The following TMCC1 variants were observed in gnomAD, a reference collection of about 807,000 sequenced individuals.
TMCC1 encodes the protein transmembrane and coiled-coil domain family 1.
TMCC1 carries 15 observed loss-of-function variants against 52.4 expected under a neutral mutation model. That is an observed-to-expected ratio of 0.29 (90% CI 0.19 to 0.44). The LOEUF (loss-of-function observed/expected upper bound fraction) is 0.44. Ranked by LOEUF, TMCC1 falls within the 20% of genes least tolerant of loss-of-function variation. The pLI is 1.00. For synonymous variants in TMCC1, 279 were observed against 301.9 expected, an observed-to-expected ratio of 0.92 and a Z score of 0.79; for missense variants, 503 against 806.0, an observed-to-expected ratio of 0.62 and a Z score of 4.55.
At chr3:129,892,793 A>C (rs555227804) in intron 1 of TMCC1, 1 of 152,284 alleles carries the variant, frequency 6.6e-6, no homozygotes. Context: ...CCCTTTACCG[A>C]GGCTGAAAAA....
intron 4 of TMCC1, among the ~76,000 whole-genome samples, chr3:129,736,471 C>T (rs2050974716): frequency 6.6e-6 from 1 of 151,478 alleles, no homozygotes; most frequent in Non-Finnish European, 1.5e-5. Context: ...GATGAAACTT[C>T]TCCTTTAAAA....
intron 2 of TMCC1, among the ~76,000 whole-genome samples, chr3:129,870,718 CGGGGG>C (rs56383150): frequency 2.2e-3 from 31 of 13,872 alleles, no homozygotes; most frequent in African/African-American, 3.9e-3. Flanking sequence ...CGCGGGTTGG[CGGGGG>C]GGGGGGGGGG....
At chr3:129,809,712 G>A (rs1052006916) in intron 4 of TMCC1, among the ~76,000 whole-genome samples, 3 of 152,114 alleles carry the variant, frequency 2.0e-5, no homozygotes, top group African/African-American at 7.2e-5. Flanking sequence ...TTTAGTTAAA[G>A]TACTGAAATC....
At chr3:129,752,271 T>C (rs1452093932) in intron 4 of TMCC1, among the ~76,000 whole-genome samples, 2 of 152,158 alleles carry the variant, frequency 1.3e-5, no homozygotes, top group Non-Finnish European at 2.9e-5. Flanking sequence ...GTTAAACCTA[T>C]CACTCATGAT....
chr3:129,699,901 G>GTGA (rs2047690277), intron 4 of TMCC1, among the ~76,000 whole-genome samples: 1 of 152,128 alleles, frequency 6.6e-6, no homozygotes, highest in African/African-American at 2.4e-5. Flanking sequence ...GGGAGACAGA[G>GTGA]TGAAATCCTG....
chr3:129,727,461 A>G (rs1337625194), intron 4 of TMCC1, among the ~76,000 whole-genome samples: 2 of 152,212 alleles, frequency 1.3e-5, no homozygotes, highest in Non-Finnish European at 2.9e-5. Flanking sequence ...TTTTATAAAT[A>G]TGAATTTTAA....
At chr3:129,853,145 C>A (rs377558925) in intron 2 of TMCC1, among the ~76,000 whole-genome samples, 10 of 152,166 alleles carry the variant, frequency 6.6e-5, no homozygotes, top group Non-Finnish European at 1.0e-4. Context: ...TGTGCCACTG[C>A]ACTCTAGCCT....
At chr3:129,715,952 T>C (rs1353854591) in intron 4 of TMCC1, among the ~76,000 whole-genome samples, 2 of 152,102 alleles carry the variant, frequency 1.3e-5, no homozygotes, top group African/African-American at 4.8e-5. Context: ...TTCCTCCTTT[T>C]CCCCTATACC....
At position 129,828,527 on chromosome 3, in the gene TMCC1, A is replaced by G; in HGVS notation, c.-130-19T>C. On this transcript the variant is annotated intron_variant, in intron 3 of 6. Transcript: ENST00000393238. This position sits in a 1 kb window ranked among gnomAD's most constrained non-coding sequence, Gnocchi z 4.1. The stretch of plus-strand genomic sequence containing the variant: ...TGCCTATCTAATGTTAAAAACAAAA[A>G]AACAAAAAAACAAAAAAAAAACCTT... The G allele has an allele frequency of 1.6e-6, 1 of 644,852 alleles. No individual in the cohort carries two copies. The highest frequency in any genetic ancestry group is 2.5e-6 in the Non-Finnish European group (1 of 392,560). 39.9% of individuals were successfully genotyped at this position (644,852 alleles called of 1,614,324 possible).
chr3:129,855,637 T>C (rs1189960329), intron 2 of TMCC1, among the ~76,000 whole-genome samples: 2 of 152,186 alleles, frequency 1.3e-5, no homozygotes, highest in African/African-American at 4.8e-5. Context: ...CACAAAATTC[T>C]TGGATAGCTT....
chr3:129,889,713 C>G (rs988998933), intron 1 of TMCC1, among the ~76,000 whole-genome samples: 2 of 152,082 alleles, frequency 1.3e-5, no homozygotes, highest in African/African-American at 4.8e-5. Flanking sequence ...AAAATATGGT[C>G]TTTGCCTTCA....
chr3:129,824,295 C>T (rs867237233), intron 4 of TMCC1, among the ~76,000 whole-genome samples: 17 of 152,022 alleles, frequency 1.1e-4, no homozygotes, highest in African/African-American at 3.9e-4. Flanking sequence ...GAGATCATGC[C>T]GCTGCACTCC....
chr3:129,776,178 T>C (rs1313935143), intron 4 of TMCC1, among the ~76,000 whole-genome samples: 4 of 152,360 alleles, frequency 2.6e-5, no homozygotes, highest in Non-Finnish European at 5.9e-5. Flanking sequence ...TCACATTACC[T>C]TGATTTGTCT....
chr3:129,651,889 A>C lies in TMCC1; in HGVS notation c.1648-94T>G. The C allele has an allele frequency of 7.7e-7, 1 of 1,297,586 alleles. No individual in the cohort carries two copies. The highest frequency in any genetic ancestry group is 1.5e-5 in the African/African-American group (1 of 67,238). 80.4% of individuals were successfully genotyped at this position (1,297,586 alleles called of 1,614,324 possible). A position where few individuals can be genotyped will look rare whatever the true frequency, so the allele number is the denominator to read the frequency against. On this transcript the variant is annotated intron_variant, in intron 6 of 6. Coordinates refer to ENST00000393238, the MANE Select transcript of TMCC1 (RefSeq NM_001017395.5). This position sits in a 1 kb window ranked among gnomAD's most constrained non-coding sequence, Gnocchi z 5.1. Reference sequence around the variant, plus strand: ...TGGGCAAGCCAGATGCATCTTGAGCAATGCCAATGATTTTATAAATATGCT... The same window carrying C: ...TGGGCAAGCCAGATGCATCTTGAGCCATGCCAATGATTTTATAAATATGCT...
At chr3:129,816,684 C>T (rs2058113636) in intron 4 of TMCC1, among the ~76,000 whole-genome samples, 1 of 151,948 alleles carries the variant, frequency 6.6e-6, no homozygotes, top group South Asian at 2.1e-4. Context: ...TTTGATAGAT[C>T]AGTAGGGTGA....
intron 4 of TMCC1, among the ~76,000 whole-genome samples, chr3:129,757,231 C>CCTTA (rs2107667861): frequency 6.6e-6 from 1 of 152,276 alleles, no homozygotes; most frequent in Non-Finnish European, 1.5e-5. Context: ...TGCCCATGAA[C>CCTTA]CTTAATAAAG....
Position 129,680,690 on chromosome 3 carries a change from C to T in TMCC1, c.577-9426G>A, listed in dbSNP as rs942989594. Among the ~76,000 whole-genome samples the T allele has an allele frequency of 2.6e-5, 4 of 152,110 alleles. No homozygotes were observed. In the East Asian group the frequency reaches 5.8e-4, roughly 22 times the overall value. ...CTGAGGCGAGTGGATCATTTGAGGTCAGGAGTTCGAGACCAGCCTGGCCAA... is the reference window on the plus strand; with the variant it reads ...CTGAGGCGAGTGGATCATTTGAGGTTAGGAGTTCGAGACCAGCCTGGCCAA... On this transcript the variant is annotated intron_variant, in intron 4 of 6. Coordinates refer to ENST00000393238, the MANE Select transcript of TMCC1 (RefSeq NM_001017395.5).
At chr3:129,892,097 A>G (rs2061991693) in intron 1 of TMCC1, among the ~76,000 whole-genome samples, 2 of 152,238 alleles carry the variant, frequency 1.3e-5, no homozygotes, top group Admixed American at 1.3e-4. Context: ...CACAGTACAC[A>G]GCACCTACAC....
At chr3:129,870,154 C>T (rs2060842310) in intron 2 of TMCC1, among the ~76,000 whole-genome samples, 1 of 152,016 alleles carries the variant, frequency 6.6e-6, no homozygotes, top group Admixed American at 6.6e-5. Context: ...AAAGAAATCA[C>T]ATGTACCTAT....
Sources: gnomAD v4.1 joint callset for allele counts (sites outside exome capture counted in the v4.1 genomes callset) on GRCh38, gnomAD v4.1.1 for gene constraint, Gnocchi (gnomAD v3.1) non-coding constraint, MANE v1.5 for transcripts, NCBI Gene and HGNC (gene_info 2026-07-23, HGNC 2026-07-21) for gene names.